The following CPB2 variants were observed in gnomAD, a reference collection of about 807,000 sequenced individuals.
CPB2 encodes carboxypeptidase B2.
A neutral mutation model predicts 57.0 loss-of-function variants in CPB2; 54 were observed. The observed-to-expected ratio is 0.95, with a 90% CI of 0.76 to 1.19. The LOEUF (loss-of-function observed/expected upper bound fraction) is 1.19, where lower values mean the gene tolerates loss of function less well. CPB2 is among the 50% of genes most tolerant of loss of function. The pLI is 0.00. For missense variants in CPB2, 426 were observed against 512.0 expected (o/e 0.83, Z 1.62); for synonymous variants, 189 against 178.1 (o/e 1.06, Z -0.49).
chr13:46,080,849 C>T (rs7322156), intron 4 of CPB2, among the ~76,000 whole-genome samples: 1 of 151,398 alleles, frequency 6.6e-6, no homozygotes, highest in Non-Finnish European at 1.5e-5. Context: ...GTATGCGCCT[C>T]TAGTCCCAGC....
intron 8 of CPB2, among the ~76,000 whole-genome samples, chr13:46,060,294 C>T (rs1454535440): frequency 6.6e-6 from 1 of 152,142 alleles, no homozygotes; most frequent in African/African-American, 2.4e-5. Context: ...GAAACCCCGT[C>T]TCTACCAAAA....
chr13:46,063,428 T>G (rs1298663064), intron 8 of CPB2, among the ~76,000 whole-genome samples: 1 of 152,230 alleles, frequency 6.6e-6, no homozygotes, highest in Non-Finnish European at 1.5e-5. Flanking sequence ...GTATTTGATT[T>G]TCTGTTTCTG....
At chr13:46,073,153 G>A (rs971468179) in intron 6 of CPB2, among the ~76,000 whole-genome samples, 2 of 152,146 alleles carry the variant, frequency 1.3e-5, no homozygotes, top group Non-Finnish European at 2.9e-5. Flanking sequence ...CTGTTACTAT[G>A]TATCTGTGAA....
rs2044981135 is a variant in CPB2, at chr13:46,073,873, A to G, written c.591T>C (p.His197=). 1.9e-6 allele frequency: 3 copies of G among 1,540,634 alleles called. No individual in the cohort carries two copies. Among genetic ancestry groups the G allele is most frequent in the Admixed American group, 1.7e-5 (1 of 59,238 alleles). Residue 197 remains histidine (H), a splice_region_variant and synonymous_variant, in exon 6 of 11, where the codon CAT becomes CAC. Coordinates refer to ENST00000181383, the MANE Select transcript of CPB2 (RefSeq NM_001872.5). ...GGGTTAAGAGAATGTGAATACTTACATGGCCTATGAACCACAAGCAGAAAG... is the reference window on the plus strand; with the variant it reads ...GGGTTAAGAGAATGTGAATACTTACGTGGCCTATGAACCACAAGCAGAAAG... ...SPAFCLWFIG[H]ITQFYGIIGQ...
chr13:46,057,060 G>C (rs186334824), intron 9 of CPB2, among the ~76,000 whole-genome samples: 1 of 152,122 alleles, frequency 6.6e-6, no homozygotes, highest in African/African-American at 2.4e-5. Context: ...TTCTCTTAAA[G>C]GGCAGGATTT....
chr13:46,055,017 CT>C (rs1285582309), intron 10 of CPB2, among the ~76,000 whole-genome samples: 2 of 150,952 alleles, frequency 1.3e-5, no homozygotes, highest in African/African-American at 4.9e-5. Context: ...TCCCAAAGTG[CT>C]GGTATTACAG....
intron 1 of CPB2, among the ~76,000 whole-genome samples, chr13:46,092,412 T>C (rs1028369870): frequency 1.3e-5 from 2 of 152,200 alleles, no homozygotes; most frequent in African/African-American, 4.8e-5. Flanking sequence ...ATCATGATAA[T>C]ATAAAATGTT....
chr13:46,069,100 C>A (rs9534306), intron 6 of CPB2, among the ~76,000 whole-genome samples: 67,562 of 151,898 alleles, frequency 0.44, 15,282 homozygotes, highest in East Asian at 0.56. Context: ...TCCTTCCTAC[C>A]TTTACCTCTG....
rs1167913116 is a variant in CPB2, at chr13:46,084,241, T to A, written c.253A>T (p.Asn85Tyr). Residue 85 changes from asparagine (N) to tyrosine (Y), a missense_variant, in exon 3 of 11, where the codon AAT becomes TAT. Physicochemically the swap from Asn to Tyr is moderately radical, Grantham distance 143. Coordinates refer to ENST00000181383, the MANE Select transcript of CPB2 (RefSeq NM_001872.5). ...TACCTGCATGGAATTCCGCTCACAT[T>A]TAAATGGGCTTTCACATTGTCGACA... ...SDVDNVKAHLNVSGIPCSVLL... is the reference protein window; with the variant it reads ...SDVDNVKAHLYVSGIPCSVLL... 2 of 1,614,166 alleles carry A rather than the reference T, an allele frequency of 1.2e-6. No homozygotes were observed.
chr13:46,095,694 G>C (rs1383724939), intron 1 of CPB2, among the ~76,000 whole-genome samples: 1 of 152,072 alleles, frequency 6.6e-6, no homozygotes, highest in Non-Finnish European at 1.5e-5. Context: ...CTCTCCAGCT[G>C]CAAGATGTGT....
At chr13:46,102,408 TATG>T (rs746544863) in intron 1 of CPB2, among the ~76,000 whole-genome samples, 2 of 152,168 alleles carry the variant, frequency 1.3e-5, no homozygotes, top group Non-Finnish European at 2.9e-5. Flanking sequence ...CCCTTTGGCA[TATG>T]ATATTTATGC....
intron 10 of CPB2, among the ~76,000 whole-genome samples, chr13:46,054,098 G>A (rs1451659563): frequency 1.3e-5 from 2 of 152,102 alleles, no homozygotes; most frequent in Non-Finnish European, 2.9e-5. Flanking sequence ...CACAAGCAGG[G>A]TATGAATTTG....
At chr13:46,091,272 G>A (rs1290989422) in intron 1 of CPB2, among the ~76,000 whole-genome samples, 13 of 152,078 alleles carry the variant, frequency 8.5e-5, no homozygotes, top group Non-Finnish European at 1.8e-4. Context: ...AAGTAATTGC[G>A]GTTTTTGCCG....
intron 10 of CPB2, among the ~76,000 whole-genome samples, chr13:46,054,026 C>T (rs1221135859): frequency 1.3e-5 from 2 of 152,038 alleles, no homozygotes; most frequent in African/African-American, 2.4e-5. Flanking sequence ...AGGCTCTGTA[C>T]TTTTTGCAAT....
chr13:46,082,257 T>G (rs1348833286), intron 4 of CPB2, among the ~76,000 whole-genome samples, 184 bp downstream of exon 4: 1 of 152,206 alleles, frequency 6.6e-6, no homozygotes, highest in Admixed American at 6.5e-5. Context: ...CCAAATATGA[T>G]GCAGTCTTCT....
intron 4 of CPB2, among the ~76,000 whole-genome samples, chr13:46,082,001 T>C (rs1238330542): frequency 1.3e-5 from 2 of 152,226 alleles, no homozygotes; most frequent in Non-Finnish European, 2.9e-5. Context: ...TTCTAAGGAA[T>C]AAAATGCAAT....
intron 10 of CPB2, among the ~76,000 whole-genome samples, chr13:46,054,744 GATAA>G (rs1318574756): frequency 6.6e-6 from 1 of 151,622 alleles, no homozygotes; most frequent in Non-Finnish European, 1.5e-5. Context: ...TAGTGTTCAT[GATAA>G]ATACAGTTTC....
At position 46,058,200 on chromosome 13, in the gene CPB2, T is replaced by C. The variant is rs74652295; in HGVS notation, c.978A>G (p.Lys326=). ...TTACCAGTTCCTCATGGTCTTTGCT[T>C]TTACTTCGTGTATAGGAATATGGAA... ...IVFPYSYTRS[K]SKDHEELSLV... The change falls in exon 9 of 11, where the codon AAA becomes AAG. Residue 326 remains lysine, a synonymous_variant. Coordinates refer to ENST00000181383, the MANE Select transcript of CPB2 (RefSeq NM_001872.5). 3.4e-5 allele frequency: 55 copies of C among 1,613,762 alleles called. No homozygotes were observed. The East Asian group carries it at 1.2e-3, about 34-fold the overall frequency.
chr13:46,055,193 C>A (rs1188362290), intron 10 of CPB2, among the ~76,000 whole-genome samples: 1 of 152,008 alleles, frequency 6.6e-6, no homozygotes, highest in African/African-American at 2.4e-5. Context: ...TTCAAAAGGG[C>A]AAAATCAGTC....
Sources: allele counts gnomAD v4.1 joint callset (sites outside exome capture counted in the v4.1 genomes callset), GRCh38; gene constraint gnomAD v4.1.1; transcripts MANE v1.5; gene names NCBI Gene and HGNC (gene_info 2026-07-23, HGNC 2026-07-21).